Variants in CFH observed in about 807,000 individuals in gnomAD.
CFH encodes the protein H factor 1 (complement).
Under a neutral mutation model 147.3 loss-of-function variants are expected in CFH, and 53 were observed. The observed-to-expected ratio is 0.36, with a 90% CI of 0.29 to 0.45. The LOEUF is 0.45. CFH is among the 20% of genes least tolerant of loss of function. The pLI, the probability that CFH is intolerant of heterozygous loss-of-function variation, is 1.00. For missense variants in CFH, 1,380 were observed against 1,498.0 expected, an observed-to-expected ratio of 0.92 and a Z score of 1.30; for synonymous variants, 536 against 489.4, an observed-to-expected ratio of 1.10 and a Z score of -1.26.
chr1:196,698,689 A>C (rs1178715711), intron 9 of CFH, among the ~76,000 whole-genome samples: 1 of 152,194 alleles, frequency 6.6e-6, no homozygotes, highest in Non-Finnish European at 1.5e-5. Context: ...TATTTCAAAC[A>C]ATAGAAAAAG....
intron 9 of CFH, among the ~76,000 whole-genome samples, chr1:196,698,984 C>A (rs1668370614): frequency 6.6e-6 from 1 of 151,996 alleles, no homozygotes; most frequent in Non-Finnish European, 1.5e-5. Context: ...GCAGAAAAGG[C>A]CTTCAATAAA....
intron 9 of CFH, among the ~76,000 whole-genome samples, chr1:196,706,540 G>A (rs150453136): frequency 6.6e-6 from 1 of 152,282 alleles, no homozygotes; most frequent in African/African-American, 2.4e-5. Context: ...AAGATGTAAA[G>A]AGAGAATTCG....
chr1:196,734,746 AT>A (rs1669362563), intron 15 of CFH, among the ~76,000 whole-genome samples: 1 of 151,950 alleles, frequency 6.6e-6, no homozygotes, highest in Non-Finnish European at 1.5e-5. Context: ...CATTTTTTAA[AT>A]CTTGATCATT....
intron 1 of CFH, among the ~76,000 whole-genome samples, chr1:196,656,678 T>A (rs922926041): frequency 3.5e-5 from 5 of 144,172 alleles, no homozygotes; most frequent in African/African-American, 1.4e-4. Flanking sequence ...TGGTACAATG[T>A]GTGTTGCGTT....
At chr1:196,734,851 T>C (rs963438729) in intron 15 of CFH, among the ~76,000 whole-genome samples, 1 of 152,166 alleles carries the variant, frequency 6.6e-6, no homozygotes, top group Non-Finnish European at 1.5e-5. Context: ...TTTAGTTTTA[T>C]TATGTTTTAC....
Position 196,701,862 on chromosome 1 carries a change from G to C in CFH, c.1336+11623G>C, listed in dbSNP as rs551802057. Among the ~76,000 whole-genome samples the C allele has an allele frequency of 2.6e-5, 4 of 152,178 alleles. No homozygotes were observed. The South Asian group carries it at 6.2e-4, about 24-fold the overall frequency. On this transcript the variant is annotated intron_variant, in intron 9 of 21. Coordinates refer to ENST00000367429, the MANE Select transcript of CFH (RefSeq NM_000186.4). ...TCTATCATTCCATGAAACAAAAAAA[G>C]ATTATCTTACTTTTTAACATGGCTT...
intron 15 of CFH, among the ~76,000 whole-genome samples, chr1:196,733,208 C>T (rs1021788511): frequency 3.4e-4 from 52 of 151,942 alleles, no homozygotes; most frequent in Middle Eastern, 3.2e-3. Context: ...TTTTTGTTTG[C>T]GTCATTAGAT....
intron 1 of CFH, among the ~76,000 whole-genome samples, chr1:196,670,453 A>G (rs1573006065): frequency 6.6e-6 from 1 of 152,230 alleles, no homozygotes; most frequent in East Asian, 1.9e-4. Context: ...ACGTGCTTGG[A>G]TCATGGGGCA....
chr1:196,697,428 G>C (rs1668311365), intron 9 of CFH, among the ~76,000 whole-genome samples: 1 of 152,204 alleles, frequency 6.6e-6, no homozygotes, highest in Non-Finnish European at 1.5e-5. Flanking sequence ...CTGGTCATTA[G>C]AGAAATGCAA....
At chr1:196,735,239 G>GT (rs950798935) in intron 15 of CFH, among the ~76,000 whole-genome samples, 3 of 151,820 alleles carry the variant, frequency 2.0e-5, no homozygotes, top group Admixed American at 6.6e-5. Flanking sequence ...CAAAATATTT[G>GT]TTTTTTTCTA....
At chr1:196,705,065 C>G (rs1345611073) in intron 9 of CFH, among the ~76,000 whole-genome samples, 2 of 152,176 alleles carry the variant, frequency 1.3e-5, no homozygotes, top group Admixed American at 6.5e-5. Context: ...AACTCACTAA[C>G]CGTCCGGGGG....
At chr1:196,694,454 G>A (rs965185212) in intron 9 of CFH, among the ~76,000 whole-genome samples, 1 of 152,180 alleles carries the variant, frequency 6.6e-6, no homozygotes, top group Non-Finnish European at 1.5e-5. Flanking sequence ...AAATGGTGCT[G>A]TGATAAACAT....
intron 15 of CFH, among the ~76,000 whole-genome samples, chr1:196,731,192 G>C (rs11799595): frequency 0.16 from 24,390 of 151,584 alleles, 2,496 homozygotes; most frequent in East Asian, 0.48. Context: ...ACTTTCTGTA[G>C]CCATATGCTT....
intron 20 of CFH, among the ~76,000 whole-genome samples, chr1:196,744,066 C>A (rs147973159): frequency 6.6e-6 from 1 of 151,852 alleles, no homozygotes; most frequent in African/African-American, 2.4e-5. Flanking sequence ...AAAAGAAGTC[C>A]GAGCACATAG....
intron 1 of CFH, among the ~76,000 whole-genome samples, chr1:196,658,174 C>T (rs1666769884): frequency 2.0e-5 from 3 of 151,882 alleles, no homozygotes; most frequent in Non-Finnish European, 2.9e-5. Context: ...TAAAAACATT[C>T]CTACTCTTTA....
At chr1:196,713,615 T>G (rs1668774196) in intron 9 of CFH, 120 bp from the exon 10 acceptor site, 1 of 689,398 alleles carries the variant, frequency 1.5e-6, no homozygotes, top group Non-Finnish European at 2.5e-6. Flanking sequence ...TGAATGCTTA[T>G]GGTTATCCAG....
At chr1:196,745,346 T>C (rs955600480) in intron 20 of CFH, among the ~76,000 whole-genome samples, 1 of 152,146 alleles carries the variant, frequency 6.6e-6, no homozygotes, top group African/African-American at 2.4e-5. Context: ...TTGTTTTCAG[T>C]TTATTTTCAG....
intron 4 of CFH, 135 bp from the exon 5 acceptor site, chr1:196,677,341 G>C (rs906909071): frequency 1.3e-6 from 1 of 746,560 alleles, no homozygotes; most frequent in African/African-American, 1.8e-5. Context: ...TAGCAAACAG[G>C]TATATCAAAT....
At chr1:196,736,763 T>G in intron 15 of CFH, 61 bp from the exon 16 acceptor site, 1 of 868,482 alleles carries the variant, frequency 1.2e-6, no homozygotes, top group Non-Finnish European at 1.5e-6. Context: ...AAATTCTAAT[T>G]TTAATATTTT....
Sources: gnomAD v4.1 joint callset for allele counts (sites outside exome capture counted in the v4.1 genomes callset) on GRCh38, gnomAD v4.1.1 for gene constraint, MANE v1.5 for transcripts, NCBI Gene and HGNC (gene_info 2026-07-23, HGNC 2026-07-21) for gene names.